The following FSTL5 variants were observed in gnomAD, a reference collection of about 807,000 sequenced individuals.
The protein encoded by FSTL5 is follistatin like 5.
In FSTL5, 62 loss-of-function variants were observed where a neutral mutation model predicts 89.1. The observed-to-expected ratio is 0.70, with a 90% confidence interval of 0.57 to 0.86. FSTL5 has a LOEUF of 0.86. Ranked by LOEUF, FSTL5 falls within the 40% of genes least tolerant of loss-of-function variation. The pLI, the probability that FSTL5 is intolerant of heterozygous loss-of-function variation, is 0.00. For missense variants in FSTL5, 1,057 were observed against 1,001.6 expected (o/e 1.06, Z -0.75); for synonymous variants, 383 against 346.2 (o/e 1.11, Z -1.18).
At chr4:161,456,088 C>A (rs1733342365) in intron 14 of FSTL5, among the ~76,000 whole-genome samples, 1 of 152,158 alleles carries the variant, frequency 6.6e-6, no homozygotes, top group African/African-American at 2.4e-5. Flanking sequence ...CGGAATCCCT[C>A]CTGGCTGGGG....
chr4:161,668,983 G>A (rs1188770238), intron 6 of FSTL5, among the ~76,000 whole-genome samples: 2 of 151,218 alleles, frequency 1.3e-5, no homozygotes, highest in Admixed American at 6.6e-5. Flanking sequence ...GTGGTGGTGC[G>A]TACCTATAAT....
intron 4 of FSTL5, among the ~76,000 whole-genome samples, chr4:161,796,551 C>T (rs540188117): frequency 6.6e-6 from 1 of 151,782 alleles, no homozygotes; most frequent in East Asian, 1.9e-4. Flanking sequence ...CATTCATATT[C>T]ATTTTGATTA....
At chr4:161,848,209 A>G (rs142093751) in intron 4 of FSTL5, among the ~76,000 whole-genome samples, 2,319 of 152,246 alleles carry the variant, frequency 0.015, 29 homozygotes, top group Non-Finnish European at 0.023. Context: ...TCCACAAATA[A>G]TCCATAAAAG....
chr4:161,610,521 T>G (rs1734596568), intron 7 of FSTL5, among the ~76,000 whole-genome samples: 1 of 152,138 alleles, frequency 6.6e-6, no homozygotes, highest in Non-Finnish European at 1.5e-5. Context: ...CTGTGGTGAT[T>G]GCATGACCAA....
chr4:162,000,640 T>C (rs1020869413), intron 3 of FSTL5, among the ~76,000 whole-genome samples: 1 of 150,744 alleles, frequency 6.6e-6, no homozygotes, highest in Non-Finnish European at 1.5e-5. Context: ...AAAATATATA[T>C]ACAAAATGAT....
intron 4 of FSTL5, among the ~76,000 whole-genome samples, chr4:161,837,345 C>T (rs1167000755): frequency 2.0e-5 from 3 of 151,790 alleles, no homozygotes; most frequent in Non-Finnish European, 4.4e-5. Context: ...TAGAAAAAAA[C>T]CTATAGACAA....
At chr4:162,116,127 A>T (rs1301103112) in intron 1 of FSTL5, among the ~76,000 whole-genome samples, 1 of 152,158 alleles carries the variant, frequency 6.6e-6, no homozygotes, top group Non-Finnish European at 1.5e-5. Flanking sequence ...TTCTTGACTT[A>T]ATGGCACAAA....
At chr4:161,869,715 T>C (rs1732203106) in intron 4 of FSTL5, among the ~76,000 whole-genome samples, 1 of 152,210 alleles carries the variant, frequency 6.6e-6, no homozygotes, top group Non-Finnish European at 1.5e-5. Context: ...ATATCAGTTG[T>C]GTCAATGTTG....
chr4:161,846,288 A>T (rs62329204), intron 4 of FSTL5, among the ~76,000 whole-genome samples: 1 of 152,170 alleles, frequency 6.6e-6, no homozygotes, highest in Non-Finnish European at 1.5e-5. Flanking sequence ...GTTCAAAATT[A>T]TGTAATTTTA....
chr4:161,457,469 C>T (rs540044019), intron 14 of FSTL5, among the ~76,000 whole-genome samples: 2 of 152,154 alleles, frequency 1.3e-5, no homozygotes, highest in East Asian at 3.9e-4. Flanking sequence ...AAGAATACCT[C>T]CAGAAGGCTG....
At chr4:161,974,129 A>G (rs1735563432) in intron 3 of FSTL5, among the ~76,000 whole-genome samples, 1 of 152,224 alleles carries the variant, frequency 6.6e-6, no homozygotes, top group Non-Finnish European at 1.5e-5. Context: ...AAATGGAAGA[A>G]TATTCCATGC....
intron 2 of FSTL5, among the ~76,000 whole-genome samples, chr4:162,081,083 A>C (rs1316727565): frequency 3.3e-5 from 5 of 151,674 alleles, no homozygotes; most frequent in Non-Finnish European, 4.4e-5. Flanking sequence ...GCATATTTTT[A>C]TCCACGCCCT....
intron 4 of FSTL5, among the ~76,000 whole-genome samples, chr4:161,834,344 C>A (rs1730957301): frequency 6.6e-6 from 1 of 152,120 alleles, no homozygotes. Context: ...CAGCCAATAT[C>A]ATACTGAATG....
intron 12 of FSTL5, among the ~76,000 whole-genome samples, chr4:161,498,509 T>C (rs1185677270): frequency 6.6e-6 from 1 of 152,148 alleles, no homozygotes; most frequent in Non-Finnish European, 1.5e-5. Flanking sequence ...ATCAGATTCC[T>C]GAAGTGATAG....
chr4:161,862,272 CA>C (rs1345592469), intron 4 of FSTL5, among the ~76,000 whole-genome samples: 4 of 152,110 alleles, frequency 2.6e-5, no homozygotes, highest in Admixed American at 2.0e-4. Flanking sequence ...TATAATTATT[CA>C]GCAATTAATG....
intron 2 of FSTL5, among the ~76,000 whole-genome samples, chr4:162,046,093 A>G (rs1442352350): frequency 1.3e-5 from 2 of 152,156 alleles, no homozygotes; most frequent in Non-Finnish European, 1.5e-5. Context: ...CCATTTTAGT[A>G]GGCTATTGAC....
intron 4 of FSTL5, among the ~76,000 whole-genome samples, chr4:161,826,033 C>G (rs1295712017): frequency 1.3e-5 from 2 of 152,110 alleles, no homozygotes; most frequent in East Asian, 3.9e-4. Context: ...GAACTTTCCT[C>G]TTAGCACTAC....
Position 161,668,673 on chromosome 4 carries a change from CGTT to C in FSTL5, c.728-12182_728-12180del, listed in dbSNP as rs1263027543. Among the ~76,000 whole-genome samples the C allele has an allele frequency of 1.4e-4, 22 of 152,168 alleles. No individual in the cohort carries two copies. In the East Asian group the frequency reaches 3.9e-3, roughly 27 times the overall value. The stretch of plus-strand genomic sequence containing the variant: ...ATGAAAATGATTATACACTATGACA[CGTT>C]GGTGTTTGTCTCAGGTATGCAAGAA... On this transcript the variant is annotated intron_variant, in intron 6 of 15. Coordinates refer to ENST00000306100, the MANE Select transcript of FSTL5 (RefSeq NM_020116.5).
At chr4:161,795,564 G>A (rs1292136774) in intron 4 of FSTL5, among the ~76,000 whole-genome samples, 5 of 152,062 alleles carry the variant, frequency 3.3e-5, no homozygotes, top group Non-Finnish European at 7.4e-5. Flanking sequence ...TATACACAGA[G>A]TGAAATTGGT....
Sources: allele counts gnomAD v4.1 joint callset (sites outside exome capture counted in the v4.1 genomes callset), GRCh38; gene constraint gnomAD v4.1.1; transcripts MANE v1.5; gene names NCBI Gene and HGNC (gene_info 2026-07-23, HGNC 2026-07-21).